Variants in DPP10 observed in about 807,000 individuals in gnomAD.
The protein encoded by DPP10 is dipeptidyl peptidase like 10.
Under a neutral mutation model 120.9 loss-of-function variants are expected in DPP10, and 33 were observed. The ratio of observed to expected loss-of-function variants is 0.27; its 90% CI spans 0.21 to 0.37. The LOEUF is 0.37. Among genes scored for constraint, DPP10 ranks in the 10% least tolerant of loss-of-function variants. DPP10 has a pLI of 1.00. For missense variants in DPP10, 816 were observed against 942.8 expected, an observed-to-expected ratio of 0.87 and a Z score of 1.76; for synonymous variants, 337 against 326.1, an observed-to-expected ratio of 1.03 and a Z score of -0.36.
intron 1 of DPP10, among the ~76,000 whole-genome samples, chr2:115,208,724 G>A (rs919075465): frequency 6.6e-6 from 1 of 152,100 alleles, no homozygotes; most frequent in African/African-American, 2.4e-5. Flanking sequence ...GGACAAGGTT[G>A]TGGGTGGCTC....
intron 1 of DPP10, among the ~76,000 whole-genome samples, chr2:115,255,202 A>C (rs760214592): frequency 5.3e-5 from 8 of 152,168 alleles, no homozygotes; most frequent in Non-Finnish European, 7.3e-5. Context: ...ACTTCTGTGC[A>C]CCTGCAGGCT....
chr2:115,416,167 A>G (rs1215933967), intron 3 of DPP10, among the ~76,000 whole-genome samples: 1 of 152,052 alleles, frequency 6.6e-6, no homozygotes, highest in African/African-American at 2.4e-5. Context: ...TTGTCATGGA[A>G]TGGCCACCCC....
chr2:115,792,027 G>A (rs1018410789), intron 19 of DPP10, among the ~76,000 whole-genome samples: 4 of 151,926 alleles, frequency 2.6e-5, no homozygotes, highest in African/African-American at 9.7e-5. Flanking sequence ...TATATCTTTA[G>A]ATACAATAAT....
At chr2:115,696,652 T>G (rs2091606620) in intron 7 of DPP10, among the ~76,000 whole-genome samples, 1 of 152,180 alleles carries the variant, frequency 6.6e-6, no homozygotes, top group South Asian at 2.1e-4. Context: ...AGGCAGTGAT[T>G]TGAAGCCTTA....
At chr2:115,609,615 A>C (rs889907987) in intron 5 of DPP10, among the ~76,000 whole-genome samples, 7 of 152,090 alleles carry the variant, frequency 4.6e-5, no homozygotes, top group Non-Finnish European at 7.4e-5. Context: ...AAACAAAAAA[A>C]CCCTGCTAAA....
At chr2:115,361,028 TC>T (rs1178061842) in intron 3 of DPP10, among the ~76,000 whole-genome samples, 1 of 152,132 alleles carries the variant, frequency 6.6e-6, no homozygotes, top group East Asian at 1.9e-4. Context: ...GCTAGTTTTG[TC>T]CCAAGCCTTT....
intron 4 of DPP10, among the ~76,000 whole-genome samples, chr2:115,505,653 G>C (rs2076902441): frequency 6.6e-6 from 1 of 152,060 alleles, no homozygotes; most frequent in Non-Finnish European, 1.5e-5. Flanking sequence ...TTTTCTTGCT[G>C]AATAATTTTA....
At chr2:115,556,364 GTT>G (rs34615187) in intron 5 of DPP10, among the ~76,000 whole-genome samples, 2 of 128,672 alleles carry the variant, frequency 1.6e-5, no homozygotes, top group African/African-American at 5.8e-5. Flanking sequence ...TTTTTGGCAG[GTT>G]TTTTTTTTTT....
intron 17 of DPP10, among the ~76,000 whole-genome samples, chr2:115,785,302 T>C (rs1683203978): frequency 6.6e-6 from 1 of 152,238 alleles, no homozygotes; most frequent in Non-Finnish European, 1.5e-5. Context: ...TTTTCTCTTT[T>C]CACTGTGTTT....
intron 1 of DPP10, among the ~76,000 whole-genome samples, chr2:114,972,342 C>T (rs1699453080): frequency 6.6e-6 from 1 of 152,186 alleles, no homozygotes; most frequent in South Asian, 2.1e-4. Context: ...GATTGAAGAT[C>T]CGTGGCCTCA....
chr2:115,381,030 C>G (rs1370982798), intron 3 of DPP10, among the ~76,000 whole-genome samples: 1 of 152,110 alleles, frequency 6.6e-6, no homozygotes, highest in Non-Finnish European at 1.5e-5. Flanking sequence ...AATTATGTGT[C>G]TTAGAGTTGC....
At chr2:115,149,215 C>A (rs2051396777) in intron 1 of DPP10, among the ~76,000 whole-genome samples, 1 of 152,176 alleles carries the variant, frequency 6.6e-6, no homozygotes, top group South Asian at 2.1e-4. Flanking sequence ...AATCTTTCAT[C>A]AGGAGGCAAA....
intron 1 of DPP10, among the ~76,000 whole-genome samples, chr2:114,606,563 C>T (rs1195619715): frequency 1.3e-5 from 2 of 152,082 alleles, no homozygotes; most frequent in East Asian, 1.9e-4. Context: ...CTCATATATT[C>T]GGACCAGTCT....
chr2:114,535,184 C>T (rs1286391371), intron 1 of DPP10, among the ~76,000 whole-genome samples: 7 of 151,918 alleles, frequency 4.6e-5, no homozygotes, highest in East Asian at 1.9e-4. Flanking sequence ...ACCAGTAACT[C>T]GGCTGGTGTA....
At chr2:115,216,519 C>T (rs552954578) in intron 1 of DPP10, among the ~76,000 whole-genome samples, 4 of 152,170 alleles carry the variant, frequency 2.6e-5, no homozygotes, top group East Asian at 1.9e-4. Flanking sequence ...TGCAGTGGCT[C>T]GTGCCTGTAA....
At chr2:115,811,659 G>T (rs772962447) in intron 19 of DPP10, among the ~76,000 whole-genome samples, 15 of 152,188 alleles carry the variant, frequency 9.9e-5, no homozygotes, top group Non-Finnish European at 1.9e-4. Flanking sequence ...TAGCACTGCT[G>T]CCAGAGTTTA....
chr2:114,738,693 A>G (rs1677711995), intron 1 of DPP10, among the ~76,000 whole-genome samples: 1 of 152,150 alleles, frequency 6.6e-6, no homozygotes, highest in Non-Finnish European at 1.5e-5. Flanking sequence ...GGGGTAGAAC[A>G]TTTGAGGTGG....
At chr2:115,277,192 A>G (rs1173293326) in intron 1 of DPP10, among the ~76,000 whole-genome samples, 1 of 152,196 alleles carries the variant, frequency 6.6e-6, no homozygotes, top group Admixed American at 6.5e-5. Flanking sequence ...CAAGCACTGT[A>G]AACTGAAATA....
At chr2:115,592,283 A>G (rs1300145776) in intron 5 of DPP10, among the ~76,000 whole-genome samples, 2 of 152,224 alleles carry the variant, frequency 1.3e-5, no homozygotes, top group African/African-American at 4.8e-5. Flanking sequence ...AAGGCAGGTT[A>G]TAAGAGAGAG....
Sources: gnomAD v4.1 joint callset for allele counts (sites outside exome capture counted in the v4.1 genomes callset) on GRCh38, gnomAD v4.1.1 for gene constraint, MANE v1.5 for transcripts, NCBI Gene and HGNC (gene_info 2026-07-23, HGNC 2026-07-21) for gene names.